Variants in TSPAN15 observed in about 807,000 individuals in gnomAD.
TSPAN15 encodes the protein tetraspanin 15.
Under a neutral mutation model 34.5 loss-of-function variants are expected in TSPAN15, and 20 were observed. The observed-to-expected ratio is 0.58, with a 90% CI of 0.41 to 0.84. The LOEUF (loss-of-function observed/expected upper bound fraction) is 0.84, where lower values mean the gene tolerates loss of function less well. Ranked by LOEUF, TSPAN15 falls within the 40% of genes least tolerant of loss-of-function variation. The pLI is 0.00. For synonymous variants in TSPAN15, 155 were observed against 153.9 expected, an observed-to-expected ratio of 1.01 and a Z score of -0.05; for missense variants, 313 against 386.1, an observed-to-expected ratio of 0.81 and a Z score of 1.59.
intron 4 of TSPAN15, among the ~76,000 whole-genome samples, chr10:69,496,320 CAATAATAATAATAATAATAATAATAAT>C (rs3028371): frequency 7.5e-6 from 1 of 132,504 alleles, no homozygotes; most frequent in Non-Finnish European, 1.6e-5. Flanking sequence ...TCTGTTGGTG[CAATAATAATAATAATAATAATAATAAT>C]AATAATAATA....
chr10:69,507,100 G>A lies in TSPAN15; in HGVS notation c.*122G>A, dbSNP rs1842346717. On this transcript the variant is annotated 3_prime_UTR_variant, in exon 8 of 8. Coordinates refer to ENST00000373290, the MANE Select transcript of TSPAN15 (RefSeq NM_012339.5). ...ACACTCAGTACTGACCAAAGCCAGGGCTGTGTGTGCCTGTGTGTAGGTCCC... is the reference window on the plus strand; with the variant it reads ...ACACTCAGTACTGACCAAAGCCAGGACTGTGTGTGCCTGTGTGTAGGTCCC... 2.7e-6 allele frequency: 4 copies of A among 1,496,960 alleles called. No homozygotes were observed. The South Asian group carries it at 3.9e-5, about 15-fold the overall frequency. 92.7% of individuals were successfully genotyped at this position (1,496,960 alleles called of 1,614,324 possible).
At chr10:69,545,996 C>CAA in the TSPAN15 span, among the ~76,000 whole-genome samples, 3 of 149,620 alleles carry the variant, frequency 2.0e-5, no homozygotes, top group African/African-American at 7.3e-5. Context: ...AACAAACAAA[C>CAA]AAACAAAAAA....
At chr10:69,505,314 A>G (rs113575636) in intron 6 of TSPAN15, among the ~76,000 whole-genome samples, 1,806 of 152,316 alleles carry the variant, frequency 0.012, 33 homozygotes, top group African/African-American at 0.04. Context: ...GGGGGTGCAG[A>G]AGACACAATG....
At chr10:69,488,299 C>T (rs1341340587) in intron 3 of TSPAN15, among the ~76,000 whole-genome samples, 1 of 151,964 alleles carries the variant, frequency 6.6e-6, no homozygotes, top group African/African-American at 2.4e-5. Flanking sequence ...AGCGGCCTGG[C>T]TGTTGATGAT....
the TSPAN15 span, among the ~76,000 whole-genome samples, chr10:69,545,343 C>G: frequency 6.6e-6 from 1 of 152,178 alleles, no homozygotes; most frequent in Non-Finnish European, 1.5e-5. Context: ...CTGATCTCCC[C>G]AGGCCATCTC....
At chr10:69,492,021 T>C (rs1025031819) in intron 3 of TSPAN15, among the ~76,000 whole-genome samples, 1 of 152,260 alleles carries the variant, frequency 6.6e-6, no homozygotes, top group Admixed American at 6.5e-5. Context: ...TAGTTCTTCA[T>C]AGCTTTCTCT....
chr10:69,475,833 C>G (rs1228642031), intron 1 of TSPAN15, among the ~76,000 whole-genome samples: 1 of 152,080 alleles, frequency 6.6e-6, no homozygotes, highest in Non-Finnish European at 1.5e-5. Flanking sequence ...ATGTCTTTCT[C>G]CAGCTCAGAC....
chr10:69,452,716 G>A (rs1841000343), intron 1 of TSPAN15, among the ~76,000 whole-genome samples: 1 of 152,174 alleles, frequency 6.6e-6, no homozygotes, highest in Non-Finnish European at 1.5e-5. Context: ...CTAGAGATGA[G>A]GATATCTTCC....
rs1283845765 is a variant in TSPAN15, at chr10:69,484,118, G to C, written c.282+242G>C. ...AACTCTGTGTTCATCTGGATGCTCA[G>C]TTGCGAGTAGGAAAAACCACACTCA... On this transcript the variant is annotated intron_variant, in intron 2 of 7. Coordinates refer to ENST00000373290, the MANE Select transcript of TSPAN15 (RefSeq NM_012339.5). 8 of 421,136 alleles carry C rather than the reference G, an allele frequency of 1.9e-5. 1 individual carries two copies. The Admixed American group carries it at 3.0e-4, about 16-fold the overall frequency. The allele number at this position is 421,136 out of a possible 1,614,324, so 26.1% of individuals were successfully genotyped here.
the TSPAN15 span, among the ~76,000 whole-genome samples, chr10:69,545,827 G>A: frequency 2.0e-5 from 3 of 152,162 alleles, no homozygotes; most frequent in African/African-American, 7.2e-5. Flanking sequence ...GTAGTGGTGG[G>A]CACCTGTAAT....
chr10:69,472,725 A>G (rs771270284), intron 1 of TSPAN15, among the ~76,000 whole-genome samples: 18 of 152,188 alleles, frequency 1.2e-4, no homozygotes, highest in Non-Finnish European at 2.5e-4. Context: ...AAGAAGTAAC[A>G]TTTACTGAGC....
chr10:69,456,967 C>T (rs1437507410), intron 1 of TSPAN15, among the ~76,000 whole-genome samples: 1 of 152,152 alleles, frequency 6.6e-6, no homozygotes, highest in Non-Finnish European at 1.5e-5. Flanking sequence ...CAGGTAGGTG[C>T]TCCTTGGCCC....
chr10:69,548,832 G>A, the TSPAN15 span, among the ~76,000 whole-genome samples: 5 of 152,022 alleles, frequency 3.3e-5, no homozygotes, highest in African/African-American at 1.2e-4. Flanking sequence ...ATCATTTGAG[G>A]TTCTACTAAC....
chr10:69,482,544 C>T (rs1231644126), intron 1 of TSPAN15, among the ~76,000 whole-genome samples: 5 of 152,168 alleles, frequency 3.3e-5, no homozygotes, highest in Admixed American at 2.6e-4. Flanking sequence ...TGTCTGTTGC[C>T]CTGAGCACGG....
At chr10:69,471,987 A>G (rs1282425396) in intron 1 of TSPAN15, among the ~76,000 whole-genome samples, 1 of 152,238 alleles carries the variant, frequency 6.6e-6, no homozygotes, top group Non-Finnish European at 1.5e-5. Context: ...CATAAACAAA[A>G]GCTCCAGAAT....
At chr10:69,457,511 A>C (rs566401731) in intron 1 of TSPAN15, among the ~76,000 whole-genome samples, 1 of 152,308 alleles carries the variant, frequency 6.6e-6, no homozygotes, top group South Asian at 2.1e-4. Context: ...TTGACTAATC[A>C]GGAAGAAAAG....
chr10:69,464,412 G>A (rs1263144128), intron 1 of TSPAN15, among the ~76,000 whole-genome samples: 1 of 152,308 alleles, frequency 6.6e-6, no homozygotes, highest in African/African-American at 2.4e-5. Flanking sequence ...GGGGAGGAGT[G>A]AGACTGTGGG....
At chr10:69,526,592 G>A in the TSPAN15 span, among the ~76,000 whole-genome samples, 1 of 147,566 alleles carries the variant, frequency 6.8e-6, no homozygotes, top group African/African-American at 2.5e-5. Context: ...CCAGGAATTC[G>A]AGACCAGCAA....
chr10:69,532,153 C>G, the TSPAN15 span, among the ~76,000 whole-genome samples: 4 of 152,072 alleles, frequency 2.6e-5, no homozygotes, highest in Non-Finnish European at 4.4e-5. Flanking sequence ...CTAAAAATAC[C>G]ATCATCATTC....
Sources: allele counts gnomAD v4.1 joint callset (sites outside exome capture counted in the v4.1 genomes callset), GRCh38; gene constraint gnomAD v4.1.1; transcripts MANE v1.5; gene names NCBI Gene and HGNC (gene_info 2026-07-23, HGNC 2026-07-21).